HTR3B: variants seen among roughly 807,000 people sequenced by gnomAD.
The protein encoded by HTR3B is 5-hydroxytryptamine receptor 3B.
HTR3B carries 44 observed loss-of-function variants against 42.8 expected under a neutral mutation model. The observed-to-expected ratio is 1.03, with a 90% confidence interval of 0.81 to 1.32. The LOEUF (loss-of-function observed/expected upper bound fraction) is 1.32. Ranked by LOEUF, HTR3B falls within the 40% of genes most tolerant of loss-of-function variation. The pLI is 0.00. For synonymous variants in HTR3B, 203 were observed against 209.0 expected, an observed-to-expected ratio of 0.97 and a Z score of 0.25; for missense variants, 527 against 536.5, an observed-to-expected ratio of 0.98 and a Z score of 0.17.
At position 113,946,153 on chromosome 11, in the gene HTR3B, T is replaced by C. The variant is rs1372143216; in HGVS notation, c.*16T>C. 6.3e-7 allele frequency: 1 copy of C among 1,576,170 alleles called. No homozygotes were observed. Among genetic ancestry groups the C allele is most frequent in the African/African-American group, 1.4e-5 (1 of 74,040 alleles). The stretch of plus-strand genomic sequence containing the variant: ...CGGCGTGTGAAGACTGAAGTGTTCT[T>C]CAGTAATTGTGCTGGCACTTAGGAG... On this transcript the variant is annotated 3_prime_UTR_variant, in exon 9 of 9. Transcript: ENST00000260191.
chr11:113,928,152 T>C (rs1949995367), intron 2 of HTR3B, among the ~76,000 whole-genome samples: 2 of 152,200 alleles, frequency 1.3e-5, no homozygotes, highest in South Asian at 4.1e-4. Context: ...TCTCTTCCTA[T>C]GTTAGTTTGC....
At chr11:113,939,670 G>C (rs1314943883) in intron 6 of HTR3B, among the ~76,000 whole-genome samples, 1 of 152,180 alleles carries the variant, frequency 6.6e-6, no homozygotes, top group Non-Finnish European at 1.5e-5. Context: ...GTGGAGAGGT[G>C]TCATCTCAGC....
intron 2 of HTR3B, among the ~76,000 whole-genome samples, chr11:113,926,827 C>T (rs1204135236): frequency 6.6e-6 from 1 of 152,184 alleles, no homozygotes; most frequent in Non-Finnish European, 1.5e-5. Context: ...CCGAGCCCAG[C>T]CCAGACTGGT....
chr11:113,944,025 T>C (rs868201203), intron 7 of HTR3B, among the ~76,000 whole-genome samples: 5,457 of 147,430 alleles, frequency 0.037, 288 homozygotes, highest in African/African-American at 0.12. Flanking sequence ...TCTCTCTCTT[T>C]TTTTTTTTTT....
chr11:113,934,410 AAAAG>A (rs747810303), intron 6 of HTR3B, among the ~76,000 whole-genome samples: 211 of 151,918 alleles, frequency 1.4e-3, no homozygotes, highest in Middle Eastern at 6.8e-3. Flanking sequence ...AAGAAAGAAA[AAAAG>A]AAAGAAAGAA....
At chr11:113,912,285 C>T (rs1230415836) in intron 2 of HTR3B, among the ~76,000 whole-genome samples, 2 of 151,854 alleles carry the variant, frequency 1.3e-5, no homozygotes, top group Admixed American at 1.3e-4. Context: ...GCTCTGTTAC[C>T]CAGGCCGGAG....
At chr11:113,933,998 A>G (rs1950064846) in intron 6 of HTR3B, among the ~76,000 whole-genome samples, 1 of 152,254 alleles carries the variant, frequency 6.6e-6, no homozygotes, top group South Asian at 2.1e-4. Context: ...CACAAGATGA[A>G]TTATCCTAAA....
In HTR3B at chr11:113,920,763, C is replaced by G. The variant is rs553306927; in HGVS notation, c.214-10621C>G. On this transcript the variant is annotated intron_variant, in intron 2 of 8. Transcript: ENST00000260191. ...ATTAAATACCAGGAAATACCTCTTA[C>G]TAAAAAGCCTAGTCTTAAACAGCTT... is the stretch of plus-strand genomic sequence containing the variant. 4.6e-5 allele frequency among the ~76,000 whole-genome samples: 7 copies of G among 152,284 alleles called. 1 individual carries two copies. In the East Asian group the frequency reaches 1.2e-3, roughly 25 times the overall value.
At chr11:113,932,749 G>A (rs45547334) in intron 5 of HTR3B, among the ~76,000 whole-genome samples, 187 bp from the exon 6 acceptor site, 8,053 of 152,196 alleles carry the variant, frequency 0.053, 275 homozygotes, top group African/African-American at 0.081. Context: ...TAAATTCACA[G>A]TTGTTGTTTT....
In HTR3B at chr11:113,948,960, G is replaced by A. The variant is rs552083730; in HGVS notation, c.*2823G>A. 3.3e-5 allele frequency among the ~76,000 whole-genome samples: 5 copies of A among 152,244 alleles called. 1 individual carries two copies. In the South Asian group the frequency reaches 8.3e-4, roughly 25 times the overall value. On this transcript the variant is annotated 3_prime_UTR_variant, in exon 9 of 9. Coordinates refer to ENST00000260191, the MANE Select transcript of HTR3B (RefSeq NM_006028.5). ...TGGGTGCAGCACAGCAACGTGGCACGTGTATACATATGTAACAAACCTGCA... is the reference window on the plus strand; with the variant it reads ...TGGGTGCAGCACAGCAACGTGGCACATGTATACATATGTAACAAACCTGCA...
At chr11:113,909,894 G>A (rs1949769488) in intron 2 of HTR3B, among the ~76,000 whole-genome samples, 1 of 143,924 alleles carries the variant, frequency 6.9e-6, no homozygotes, top group South Asian at 2.2e-4. Flanking sequence ...TGAAGAGGGA[G>A]AATAGCTTGA....
At chr11:113,914,277 C>T (rs1355363491) in intron 2 of HTR3B, among the ~76,000 whole-genome samples, 1 of 151,520 alleles carries the variant, frequency 6.6e-6, no homozygotes, top group Non-Finnish European at 1.5e-5. Flanking sequence ...AGACCAGCCT[C>T]AACGTGGAGA....
At chr11:113,909,485 T>G (rs1047918605) in intron 2 of HTR3B, 30 bp downstream of exon 2, 23 of 1,592,028 alleles carry the variant, frequency 1.4e-5, no homozygotes, top group Non-Finnish European at 2.0e-5. Flanking sequence ...TTCCTATTCT[T>G]GTTAACGTCT....
chr11:113,936,546 TGA>T (rs956778064), intron 6 of HTR3B, among the ~76,000 whole-genome samples: 1 of 151,172 alleles, frequency 6.6e-6, no homozygotes, highest in Non-Finnish European at 1.5e-5. Context: ...GCAGATCATA[TGA>T]GAGAGAGAGA....
chr11:113,923,266 C>A (rs1949933670), intron 2 of HTR3B, among the ~76,000 whole-genome samples: 1 of 152,162 alleles, frequency 6.6e-6, no homozygotes, highest in Non-Finnish European at 1.5e-5. Context: ...CTGCTGGCAA[C>A]TTTTGTTTAG....
In HTR3B at chr11:113,935,720, G is replaced by A. The variant is rs1385521373; in HGVS notation, c.696+2627G>A. ...GAAATTCAGAGCCTGATTCTATTAT[G>A]CCAACACTGGGCCTGCCAGGGTCCT... On this transcript the variant is annotated intron_variant, in intron 6 of 8. Transcript: ENST00000260191. Among the ~76,000 whole-genome samples, 3 of 152,158 alleles carry A rather than the reference G, an allele frequency of 2.0e-5. No homozygotes were observed. The South Asian group carries it at 6.2e-4, about 31-fold the overall frequency.
intron 2 of HTR3B, among the ~76,000 whole-genome samples, chr11:113,912,487 C>T (rs1192354634): frequency 2.6e-5 from 4 of 152,276 alleles, no homozygotes; most frequent in African/African-American, 9.6e-5. Flanking sequence ...TCGTGATCCA[C>T]CCGCCTCGGC....
intron 2 of HTR3B, among the ~76,000 whole-genome samples, chr11:113,915,851 T>C (rs939806120): frequency 1.3e-5 from 2 of 152,226 alleles, no homozygotes; most frequent in Non-Finnish European, 2.9e-5. Context: ...TAAATGTTTT[T>C]TTTTTAGACG....
Position 113,946,011 on chromosome 11 carries a change from A to G in HTR3B, c.1200A>G (p.Gln400=). ...TCCAAACTCAGGACCAGACAGACCA[A>G]CAGGAGGCAGAGTGGCTGGTCCTCC... ...NYLQTQDQTD[Q]QEAEWLVLLS... Residue 400 remains glutamine (Q), a synonymous_variant, in exon 9 of 9, where the codon CAA becomes CAG. Transcript: ENST00000260191. 1 of 1,614,026 alleles carries G rather than the reference A, an allele frequency of 6.2e-7. No individual in the cohort carries two copies. Among genetic ancestry groups the G allele is most frequent in the Non-Finnish European group, 8.5e-7 (1 of 1,179,942 alleles).
Sources: allele counts gnomAD v4.1 joint callset (sites outside exome capture counted in the v4.1 genomes callset), GRCh38; gene constraint gnomAD v4.1.1; transcripts MANE v1.5; gene names NCBI Gene and HGNC (gene_info 2026-07-23, HGNC 2026-07-21).